Variants in QKI observed in about 807,000 individuals in gnomAD.
QKI encodes the protein QKI, KH domain containing RNA binding.
QKI carries 10 observed loss-of-function variants against 39.0 expected under a neutral mutation model. The ratio of observed to expected loss-of-function variants is 0.26; its 90% CI spans 0.16 to 0.43. QKI has a LOEUF of 0.43. Among genes scored for constraint, QKI ranks in the 20% least tolerant of loss-of-function variants. QKI has a pLI of 1.00. For synonymous variants in QKI, 204 were observed against 155.4 expected (o/e 1.31, Z -2.33); for missense variants, 218 against 428.0 (o/e 0.51, Z 4.33).
At chr6:163,497,143 A>G (rs993708049) in intron 3 of QKI, among the ~76,000 whole-genome samples, 1 of 152,144 alleles carries the variant, frequency 6.6e-6, no homozygotes, top group East Asian at 1.9e-4. Context: ...AATATTTTAA[A>G]GTATATTTTA....
intron 5 of QKI, 62 bp from the exon 6 acceptor site, chr6:163,563,358 A>G (rs1783148977): frequency 1.4e-6 from 2 of 1,416,802 alleles, no homozygotes; most frequent in East Asian, 2.3e-5. Flanking sequence ...CTCCCTTCTC[A>G]TTTTTCCGTA....
chr6:163,494,701 T>G (rs1015709910), intron 3 of QKI, among the ~76,000 whole-genome samples: 2 of 151,844 alleles, frequency 1.3e-5, no homozygotes. Flanking sequence ...TTTTGTGTTT[T>G]TTGACTGTTT....
At chr6:163,555,277 A>G (rs549808004) in intron 4 of QKI, among the ~76,000 whole-genome samples, 47 of 152,290 alleles carry the variant, frequency 3.1e-4, no homozygotes, top group African/African-American at 1.1e-3. Context: ...ACAATTCATG[A>G]TAAATTTCTT....
At chr6:163,567,292 A>G in intron 7 of QKI, 1 of 986,616 alleles carries the variant, frequency 1.0e-6, no homozygotes, top group Non-Finnish European at 1.2e-6. Flanking sequence ...CTGTATAAAC[A>G]TGAGGGTGCA....
intron 3 of QKI, among the ~76,000 whole-genome samples, chr6:163,479,225 A>T (rs1158528981): frequency 1.3e-5 from 2 of 151,664 alleles, no homozygotes; most frequent in African/African-American, 4.8e-5. Flanking sequence ...GGAGGCAGAG[A>T]TTTCAGATTG....
chr6:163,485,593 G>A (rs1306484483), intron 3 of QKI, among the ~76,000 whole-genome samples: 1 of 152,094 alleles, frequency 6.6e-6, no homozygotes, highest in Non-Finnish European at 1.5e-5. Flanking sequence ...ATAAACAAGA[G>A]GAGAATAAGT....
chr6:163,539,270 T>C (rs1781375928), intron 4 of QKI, among the ~76,000 whole-genome samples: 1 of 152,114 alleles, frequency 6.6e-6, no homozygotes, highest in South Asian at 2.1e-4. Flanking sequence ...CATCAGCCAT[T>C]GGATTTGGCA....
intron 3 of QKI, among the ~76,000 whole-genome samples, chr6:163,492,503 TTAAC>T (rs1287726447): frequency 1.3e-5 from 2 of 152,146 alleles, no homozygotes; most frequent in East Asian, 1.9e-4. Context: ...ATTGTTACGT[TTAAC>T]TATTTTTAAA....
At chr6:163,567,243 TTA>T in intron 7 of QKI, 2 of 987,332 alleles carry the variant, frequency 2.0e-6, no homozygotes, top group South Asian at 4.7e-5. Context: ...AACTGAAGAT[TTA>T]GTTTCCATTT....
intron 2 of QKI, among the ~76,000 whole-genome samples, chr6:163,476,753 T>A (rs1792636262): frequency 6.6e-6 from 1 of 152,188 alleles, no homozygotes; most frequent in Non-Finnish European, 1.5e-5. Flanking sequence ...TTGCTGCTGA[T>A]CACATCTCCT....
intron 1 of QKI, among the ~76,000 whole-genome samples, chr6:163,429,517 G>A (rs1788670705): frequency 6.6e-6 from 1 of 152,042 alleles, no homozygotes; most frequent in South Asian, 2.1e-4. Context: ...CTAATCTGTT[G>A]GACTTGCCAC....
At chr6:163,565,366 G>A in intron 6 of QKI, 1 of 986,276 alleles carries the variant, frequency 1.0e-6, no homozygotes, top group Non-Finnish European at 1.2e-6. Flanking sequence ...GCCACCAGCT[G>A]CTGTTCCAGC....
intron 4 of QKI, among the ~76,000 whole-genome samples, chr6:163,559,643 G>T (rs1782873578): frequency 6.6e-6 from 1 of 152,108 alleles, no homozygotes; most frequent in Non-Finnish European, 1.5e-5. Flanking sequence ...TAAAAAGTTG[G>T]CAGTAGCACA....
intron 3 of QKI, among the ~76,000 whole-genome samples, chr6:163,496,238 G>A (rs1366330041): frequency 6.6e-6 from 1 of 152,108 alleles, no homozygotes; most frequent in Non-Finnish European, 1.5e-5. Context: ...AGTGGTTGTG[G>A]TGACAACAAT....
intron 3 of QKI, among the ~76,000 whole-genome samples, chr6:163,513,428 C>A (rs1779606157): frequency 6.6e-6 from 1 of 152,166 alleles, no homozygotes; most frequent in Non-Finnish European, 1.5e-5. Context: ...TTGCAGTTCA[C>A]AGAGTTTTTA....
intron 2 of QKI, among the ~76,000 whole-genome samples, chr6:163,477,140 C>A (rs1406012837): frequency 6.6e-6 from 1 of 151,876 alleles, no homozygotes; most frequent in East Asian, 1.9e-4. Flanking sequence ...CTCGGCCACC[C>A]AGGTAGCTGG....
chr6:163,426,997 C>T (rs1788456746), intron 1 of QKI, among the ~76,000 whole-genome samples: 1 of 152,104 alleles, frequency 6.6e-6, no homozygotes, highest in South Asian at 2.1e-4. Flanking sequence ...CTGCTGCTTG[C>T]TTTCTGGGGC....
At chr6:163,474,142 G>A (rs1234604) in intron 2 of QKI, among the ~76,000 whole-genome samples, 133,084 of 152,194 alleles carry the variant, frequency 0.87, 58,528 homozygotes, top group East Asian at 1. Context: ...CTTGTAGTTG[G>A]GAACTCTTAG....
chr6:163,414,802 G>T lies in QKI; in HGVS notation c.-392G>T, dbSNP rs976007742. 3.5e-4 allele frequency: 52 copies of T among 146,952 alleles called. 1 individual carries two copies. The highest frequency in any genetic ancestry group is 3.0e-3 in the Admixed American group (44 of 14,792). 9.1% of individuals were successfully genotyped at this position (146,952 alleles called of 1,614,324 possible). A position where few individuals can be genotyped will look rare whatever the true frequency, so the allele number is the denominator to read the frequency against. On this transcript the variant is annotated 5_prime_UTR_variant, in exon 1 of 8. Transcript: ENST00000361752. ...CCCCCGAGCCCGCGGCACAGGCGGC[G>T]GCGGCGCTGAGCGGGCTCGACCAGC...
Sources: gnomAD v4.1 joint callset for allele counts (sites outside exome capture counted in the v4.1 genomes callset) on GRCh38, gnomAD v4.1.1 for gene constraint, MANE v1.5 for transcripts, NCBI Gene and HGNC (gene_info 2026-07-23, HGNC 2026-07-21) for gene names.